Variants in NME7 observed in about 807,000 individuals in gnomAD.
NME7 encodes the protein NME/NM23 family member 7, also known as nucleoside diphosphate kinase 7.
Under a neutral mutation model 49.1 loss-of-function variants are expected in NME7, and 41 were observed. That is an observed-to-expected ratio of 0.83 (90% CI 0.65 to 1.08). NME7 has a LOEUF of 1.08. Among genes scored for constraint, NME7 ranks in the 50% least tolerant of loss-of-function variants. The pLI is 0.00. For synonymous variants in NME7, 139 were observed against 150.6 expected (o/e 0.92, Z 0.56); for missense variants, 423 against 463.4 (o/e 0.91, Z 0.80).
intron 3 of NME7, among the ~76,000 whole-genome samples, chr1:169,313,218 A>C (rs554213192): frequency 0.012 from 1,893 of 151,936 alleles, 39 homozygotes; most frequent in African/African-American, 0.043. Flanking sequence ...AAAAAAAAAA[A>C]AAAACAACCA....
At position 169,207,561 on chromosome 1, in the gene NME7, A is replaced by T. The variant is rs182322378; in HGVS notation, c.990+23157T>A. On this transcript the variant is annotated intron_variant, in intron 10 of 11. Transcript: ENST00000367811. ...CACAGAAGCAGAAGGAAAAAAAGAG[A>T]CAACAAAGAAAAACAAAACAAAATG... Among the ~76,000 whole-genome samples the T allele has an allele frequency of 6.6e-5, 10 of 152,292 alleles. No individual in the cohort carries two copies. The East Asian group carries it at 1.4e-3, about 21-fold the overall frequency.
intron 11 of NME7, among the ~76,000 whole-genome samples, chr1:169,141,257 C>T (rs539491205): frequency 9.9e-4 from 151 of 152,248 alleles, no homozygotes; most frequent in Non-Finnish European, 8.8e-4. Flanking sequence ...AAGAATAAAA[C>T]CCCTCACTTA....
intron 11 of NME7, among the ~76,000 whole-genome samples, chr1:169,151,639 A>G (rs532498569): frequency 7.2e-5 from 11 of 152,288 alleles, no homozygotes; most frequent in Admixed American, 6.5e-4. Flanking sequence ...AGACCCACTG[A>G]CTGCCAGAGT....
chr1:169,154,988 A>T (rs1386742788), intron 11 of NME7, among the ~76,000 whole-genome samples: 3 of 151,790 alleles, frequency 2.0e-5, no homozygotes, highest in Non-Finnish European at 2.9e-5. Context: ...ATTTTTTTTT[A>T]AGATAGAGAC....
chr1:169,362,402 C>A (rs1653694039), intron 1 of NME7, among the ~76,000 whole-genome samples: 1 of 152,078 alleles, frequency 6.6e-6, no homozygotes. Flanking sequence ...TCAAATATAT[C>A]TTAGAATTAC....
intron 10 of NME7, among the ~76,000 whole-genome samples, chr1:169,223,010 C>T (rs1661191249): frequency 6.6e-6 from 1 of 152,120 alleles, no homozygotes; most frequent in Admixed American, 6.5e-5. Context: ...TCATTTATGG[C>T]CAAAGTATCC....
intron 9 of NME7, among the ~76,000 whole-genome samples, chr1:169,233,134 T>A (rs35159355): frequency 1.3e-5 from 2 of 151,362 alleles, no homozygotes; most frequent in Admixed American, 1.3e-4. Context: ...AAGAAATGCA[T>A]TGTATTGTTG....
At chr1:169,178,912 G>A (rs1056362954) in intron 10 of NME7, among the ~76,000 whole-genome samples, 21 of 146,166 alleles carry the variant, frequency 1.4e-4, no homozygotes, top group African/African-American at 3.8e-4. Flanking sequence ...CCTCCACCTC[G>A]TGGGTTGAAA....
intron 1 of NME7, among the ~76,000 whole-genome samples, chr1:169,331,260 A>G (rs1652245290): frequency 1.3e-5 from 2 of 152,322 alleles, no homozygotes; most frequent in South Asian, 4.1e-4. Context: ...GATAAAACTC[A>G]ACATACCTTC....
At chr1:169,215,774 T>C (rs1014951864) in intron 10 of NME7, among the ~76,000 whole-genome samples, 6 of 152,136 alleles carry the variant, frequency 3.9e-5, no homozygotes, top group South Asian at 2.1e-4. Flanking sequence ...TATTATTAAA[T>C]CATAAAAAGA....
chr1:169,200,148 A>G (rs1660505733), intron 10 of NME7, among the ~76,000 whole-genome samples: 1 of 151,900 alleles, frequency 6.6e-6, no homozygotes, highest in Non-Finnish European at 1.5e-5. Context: ...GGGGTGGGGG[A>G]AAAGGTGTAA....
intron 10 of NME7, among the ~76,000 whole-genome samples, chr1:169,213,713 G>A (rs924881720): frequency 7.2e-5 from 11 of 152,064 alleles, no homozygotes; most frequent in Non-Finnish European, 1.2e-4. Context: ...TGTCCAAAGA[G>A]ATTTGGGTCA....
chr1:169,172,606 C>T (rs6695177), intron 10 of NME7, among the ~76,000 whole-genome samples: 56,459 of 151,988 alleles, frequency 0.37, 11,057 homozygotes, highest in East Asian at 0.73. Context: ...AATGCCAATA[C>T]GATCATGTTA....
chr1:169,347,971 T>A (rs1258992001), intron 1 of NME7, among the ~76,000 whole-genome samples: 1 of 152,216 alleles, frequency 6.6e-6, no homozygotes, highest in Admixed American at 6.5e-5. Flanking sequence ...TAGATTTACA[T>A]GCATTGCAAA....
chr1:169,161,455 C>A (rs1324554688), intron 11 of NME7, among the ~76,000 whole-genome samples: 1 of 152,198 alleles, frequency 6.6e-6, no homozygotes, highest in Non-Finnish European at 1.5e-5. Context: ...TCACCATGCA[C>A]CTATGTTTAT....
chr1:169,361,111 T>C (rs1653635746), intron 1 of NME7, among the ~76,000 whole-genome samples: 2 of 152,118 alleles, frequency 1.3e-5, no homozygotes, highest in Admixed American at 1.3e-4. Flanking sequence ...GTTACCAGTA[T>C]ATGGAAAGTA....
intron 10 of NME7, among the ~76,000 whole-genome samples, chr1:169,230,148 G>C (rs181948807): frequency 6.6e-6 from 1 of 152,098 alleles, no homozygotes; most frequent in East Asian, 1.9e-4. Context: ...TTTGCATAGA[G>C]CTTTATCATA....
chr1:169,315,873 C>T (rs956017782), intron 3 of NME7, among the ~76,000 whole-genome samples: 1 of 151,860 alleles, frequency 6.6e-6, no homozygotes, highest in African/African-American at 2.4e-5. Context: ...AATTTATACC[C>T]TTAATTGCAT....
At chr1:169,273,123 T>C (rs1649549427) in intron 7 of NME7, among the ~76,000 whole-genome samples, 1 of 133,772 alleles carries the variant, frequency 7.5e-6, no homozygotes, top group Non-Finnish European at 1.8e-5. Context: ...TTTTGTTACA[T>C]AGGTATACAC....
Sources: gnomAD v4.1 joint callset for allele counts (sites outside exome capture counted in the v4.1 genomes callset) on GRCh38, gnomAD v4.1.1 for gene constraint, MANE v1.5 for transcripts, NCBI Gene and HGNC (gene_info 2026-07-23, HGNC 2026-07-21) for gene names.